NEK1: variants seen among roughly 807,000 people sequenced by gnomAD.
NEK1 encodes the protein serine/threonine-protein kinase Nek1.
In NEK1, 137 loss-of-function variants were observed where a neutral mutation model predicts 182.1. The observed-to-expected ratio is 0.75, with a 90% CI of 0.65 to 0.87. The LOEUF (loss-of-function observed/expected upper bound fraction) is 0.87, where lower values mean the gene tolerates loss of function less well. Among genes scored for constraint, NEK1 ranks in the 40% least tolerant of loss-of-function variants. The probability of loss-of-function intolerance (pLI) is 0.00; values close to 1 mark genes in which losing one functional copy is unlikely to be tolerated. For synonymous variants in NEK1, 513 were observed against 492.2 expected (o/e 1.04, Z -0.56); for missense variants, 1,391 against 1,494.4 (o/e 0.93, Z 1.14).
At chr4:169,463,130 T>A (rs1406971921) in intron 27 of NEK1, 113 bp downstream of exon 27, 2 of 603,986 alleles carry the variant, frequency 3.3e-6, no homozygotes, top group Non-Finnish European at 4.9e-6. Context: ...AAAATTATTA[T>A]AAGAGAAAGA....
rs755259769 is a variant in NEK1, at chr4:169,477,442, T to C, written c.2195A>G (p.Asn732Ser). 5.0e-6 allele frequency: 8 copies of C among 1,605,796 alleles called. No homozygotes were observed. In the East Asian group the frequency reaches 6.7e-5, roughly 13 times the overall value. ...ETSEEMQKTN[N>S]AISSKREILR... is the part of the protein sequence containing the mutation. Reference sequence around the variant, plus strand: ...GAAAATTTTACTTACTGAAATAGCATTGTTGGTCTTTTGCATCTCTTCTGA... The same window carrying C: ...GAAAATTTTACTTACTGAAATAGCACTGTTGGTCTTTTGCATCTCTTCTGA... The change falls in exon 25 of 36, where the codon AAT becomes AGT. Residue 732 changes from asparagine (N) to serine (S), a missense_variant. Transcript: ENST00000507142.
intron 16 of NEK1, among the ~76,000 whole-genome samples, chr4:169,561,245 T>A (rs1762855315): frequency 6.6e-6 from 1 of 152,214 alleles, no homozygotes; most frequent in Admixed American, 6.5e-5. Flanking sequence ...GTTATCATAG[T>A]CTTCACAAAA....
chr4:169,549,402 C>T (rs1043450391), intron 18 of NEK1, among the ~76,000 whole-genome samples: 5 of 152,158 alleles, frequency 3.3e-5, no homozygotes, highest in Non-Finnish European at 5.9e-5. Context: ...TGTTCCTATT[C>T]GGCCATCTTG....
intron 23 of NEK1, among the ~76,000 whole-genome samples, chr4:169,486,689 T>C (rs1749098118): frequency 2.0e-5 from 3 of 152,254 alleles, no homozygotes; most frequent in African/African-American, 7.2e-5. Context: ...ATTGCCATAA[T>C]GCTTTTATAA....
At chr4:169,394,616 C>G in intron 35 of NEK1, 93 bp from the exon 36 acceptor site, 1 of 688,248 alleles carries the variant, frequency 1.5e-6, no homozygotes, top group Non-Finnish European at 2.4e-6. Flanking sequence ...AGGAGAAGAG[C>G]TTTAATGTAG....
Position 169,426,168 on chromosome 4 carries a change from G to A in NEK1, c.2952C>T (p.Asp984=). ...VSEDGVSSTV[D]QLSDIHIEPG... The stretch of plus-strand genomic sequence containing the variant: ...TACCTATATGAATGTCACTAAGTTG[G>A]TCCACAGTACTCGAGACTCCATCTT... Residue 984 remains aspartate (D), a synonymous_variant, in exon 30 of 36, where the codon GAC becomes GAT. Coordinates refer to ENST00000507142, the MANE Select transcript of NEK1 (RefSeq NM_001199397.3). 1 of 1,613,408 alleles carries A rather than the reference G, an allele frequency of 6.2e-7. No individual in the cohort carries two copies. The highest frequency in any genetic ancestry group is 1.1e-5 in the South Asian group (1 of 90,952).
In NEK1 at chr4:169,524,336, T is replaced by C. The variant is rs896238762; in HGVS notation, c.1665+13473A>G. On this transcript the variant is annotated intron_variant, in intron 19 of 35. Transcript: ENST00000507142. ...AAAATTAGCTGAGTGTGGTGGCGCA[T>C]GCCTGTAATCCCAGCTACTTGGAAG... 3.3e-5 allele frequency among the ~76,000 whole-genome samples: 5 copies of C among 152,048 alleles called. No homozygotes were observed. The East Asian group carries it at 9.7e-4, about 29-fold the overall frequency.
At chr4:169,428,371 T>TAA (rs1736803999) in intron 29 of NEK1, among the ~76,000 whole-genome samples, 1 of 144,784 alleles carries the variant, frequency 6.9e-6, no homozygotes, top group African/African-American at 2.5e-5. Context: ...TATATATATA[T>TAA]AATGGAATAT....
intron 19 of NEK1, among the ~76,000 whole-genome samples, chr4:169,532,890 C>T (rs185597887): frequency 2.2e-3 from 334 of 151,310 alleles, no homozygotes; most frequent in Admixed American, 4.8e-3. Flanking sequence ...CCACTGCACT[C>T]CAGTCAGGGA....
At chr4:169,552,511 C>G (rs975490941) in intron 18 of NEK1, among the ~76,000 whole-genome samples, 1 of 152,110 alleles carries the variant, frequency 6.6e-6, no homozygotes, top group African/African-American at 2.4e-5. Flanking sequence ...AAACTTGAAG[C>G]TTTCCGGCCA....
intron 32 of NEK1, among the ~76,000 whole-genome samples, chr4:169,405,558 A>C (rs1007793965): frequency 3.3e-5 from 5 of 152,124 alleles, no homozygotes; most frequent in Non-Finnish European, 7.4e-5. Flanking sequence ...TATTTGGGAG[A>C]GTGAAGTGGA....
chr4:169,523,792 CT>C (rs1245275793), intron 19 of NEK1, among the ~76,000 whole-genome samples: 1 of 152,116 alleles, frequency 6.6e-6, no homozygotes, highest in African/African-American at 2.4e-5. Flanking sequence ...CCCTTTACTG[CT>C]TATATGTTCC....
intron 19 of NEK1, among the ~76,000 whole-genome samples, chr4:169,515,713 T>C (rs1755114919): frequency 1.1e-5 from 1 of 93,116 alleles, no homozygotes; most frequent in African/African-American, 4.2e-5. Context: ...CCATGTGATC[T>C]CATTGTTCAA....
intron 23 of NEK1, 46 bp from the exon 24 acceptor site, chr4:169,479,580 T>A: frequency 6.8e-7 from 1 of 1,463,100 alleles, no homozygotes; most frequent in Non-Finnish European, 9.4e-7. Flanking sequence ...TTTATATTTG[T>A]ATGAAGAAAT....
At position 169,394,355 on chromosome 4, in the gene NEK1, G is replaced by T; in HGVS notation, c.*155C>A. 3.8e-6 allele frequency: 2 copies of T among 522,122 alleles called. No homozygotes were observed. Among genetic ancestry groups the T allele is most frequent in the East Asian group, 3.5e-5 (1 of 28,702 alleles). The allele number at this position is 522,122 out of a possible 1,614,324, so 32.3% of individuals were successfully genotyped here. A position where few individuals can be genotyped will look rare whatever the true frequency, so the allele number is the denominator to read the frequency against. On this transcript the variant is annotated 3_prime_UTR_variant, in exon 36 of 36. Transcript: ENST00000507142. ...ATATTAGAATCTTCACTGAAAAATG[G>T]CATGTTTCTCCATCTTTTTCATGCA...
At chr4:169,603,586 G>C (rs940863155) in intron 2 of NEK1, among the ~76,000 whole-genome samples, 2 of 152,160 alleles carry the variant, frequency 1.3e-5, no homozygotes, top group African/African-American at 4.8e-5. Flanking sequence ...TATGAACACT[G>C]TGTCACTATT....
intron 23 of NEK1, among the ~76,000 whole-genome samples, chr4:169,482,862 C>G (rs893724047): frequency 2.6e-5 from 4 of 152,110 alleles, no homozygotes; most frequent in Non-Finnish European, 4.4e-5. Flanking sequence ...GTCTCAAACT[C>G]CTGATCTCAT....
Position 169,555,963 on chromosome 4 carries a change from T to C in NEK1, c.1399A>G (p.Arg467Gly), listed in dbSNP as rs1194305840. Reference protein sequence around the residue: ...RAEDNEAKWKREIYGRGLPER... With the variant: ...RAEDNEAKWKGEIYGRGLPER... ...GGAAGACCTCGACCATATATTTCTC[T>C]TTTCCATTTAGCTTCATTATCTTCT... The change falls in exon 17 of 36, where the codon AGA becomes GGA. Residue 467 changes from arginine to glycine, a missense_variant. Around this residue, in one of 5 missense-constraint regions of NEK1, gnomAD observed 1,216 missense variants for 1,277.6 expected, o/e 0.95. Transcript: ENST00000507142. The C allele has an allele frequency of 6.2e-7, 1 of 1,613,760 alleles. No individual in the cohort carries two copies. The highest frequency in any genetic ancestry group is 1.3e-5 in the African/African-American group (1 of 75,048).
intron 31 of NEK1, among the ~76,000 whole-genome samples, chr4:169,414,432 CTTGT>C (rs1734180441): frequency 6.6e-6 from 1 of 151,812 alleles, no homozygotes; most frequent in South Asian, 2.1e-4. Flanking sequence ...AGAAAATTAA[CTTGT>C]TTAATATTTA....
Sources: allele counts gnomAD v4.1 joint callset (sites outside exome capture counted in the v4.1 genomes callset), GRCh38; gene constraint gnomAD v4.1.1; regional missense constraint gnomAD v4.1.1; transcripts MANE v1.5; gene names NCBI Gene and HGNC (gene_info 2026-07-23, HGNC 2026-07-21).